YARS1: variants seen among roughly 807,000 people sequenced by gnomAD.
YARS1 encodes tyrosine--tRNA ligase, cytoplasmic.
A neutral mutation model predicts 62.2 loss-of-function variants in YARS1; 36 were observed. That is an observed-to-expected ratio of 0.58 (90% confidence interval 0.44 to 0.76). YARS1 has a LOEUF of 0.76. Among genes scored for constraint, YARS1 ranks in the 30% least tolerant of loss-of-function variants. The pLI is 0.00. For synonymous variants in YARS1, 234 were observed against 244.9 expected, an observed-to-expected ratio of 0.96 and a Z score of 0.42; for missense variants, 524 against 639.8, an observed-to-expected ratio of 0.82 and a Z score of 1.95.
At position 32,781,145 on chromosome 1, in the gene YARS1, T is replaced by C. The variant is rs1653042241; in HGVS notation, c.1043A>G (p.Lys348Arg). The C allele has an allele frequency of 1.9e-6, 3 of 1,613,750 alleles. No individual in the cohort carries two copies. The highest frequency in any genetic ancestry group is 1.7e-5 in the Admixed American group (1 of 59,996). Residue 348 changes from lysine (K) to arginine (R), a missense_variant and splice_region_variant, in exon 10 of 13, where the codon AAG (lysine) becomes AGG (arginine). Physicochemically the swap from Lys to Arg is conservative, Grantham distance 26 (BLOSUM62 2). Coordinates refer to ENST00000373477, the MANE Select transcript of YARS1 (RefSeq NM_003680.4). ...CTTGGCAGGGCCTTTGGCCATTGGC[T>C]CTGGGAATGAGAAGAACCCCATGAG... The part of the protein sequence containing the change: ...SAAYPDPSKQ[K>R]PMAKGPAKNS...
intron 1 of YARS1, among the ~76,000 whole-genome samples, chr1:32,813,970 T>C (rs1638641164): frequency 6.6e-6 from 1 of 152,312 alleles, no homozygotes; most frequent in African/African-American, 2.4e-5. Context: ...ATATTAGCAA[T>C]CTTTGGGGCT....
At chr1:32,805,266 A>T (rs1374092535) in intron 4 of YARS1, among the ~76,000 whole-genome samples, 1 of 128,858 alleles carries the variant, frequency 7.8e-6, no homozygotes, top group Non-Finnish European at 1.6e-5. Context: ...GGAGAGGGGG[A>T]GAGGGAGAGA....
chr1:32,810,621 A>G lies in YARS1; in HGVS notation c.350T>C (p.Phe117Ser), dbSNP rs759111584. Residue 117 changes from phenylalanine (F) to serine (S), a missense_variant, in exon 3 of 13, where the codon TTC becomes TCC. Physicochemically the swap from Phe to Ser is radical, Grantham distance 155. Transcript: ENST00000373477. Reference sequence around the variant, plus strand: ...GAGCTGGTAATCAGTGCCTTTGATGAACTTGAGCTTCTCCAAGGGCACACC... The same window carrying G: ...GAGCTGGTAATCAGTGCCTTTGATGGACTTGAGCTTCTCCAAGGGCACACC... Reference protein sequence around the residue: ...SIGVPLEKLKFIKGTDYQLSK... With the variant: ...SIGVPLEKLKSIKGTDYQLSK... 1.2e-6 allele frequency: 2 copies of G among 1,613,400 alleles called. No individual in the cohort carries two copies. The highest frequency in any genetic ancestry group is 1.7e-6 in the Non-Finnish European group (2 of 1,180,026).
intron 4 of YARS1, among the ~76,000 whole-genome samples, chr1:32,805,488 CT>C (rs997774110): frequency 3.9e-5 from 6 of 152,168 alleles, no homozygotes; most frequent in Admixed American, 2.0e-4. Flanking sequence ...ATAAGTGAAA[CT>C]TATGTCTGTT....
In YARS1 at chr1:32,780,240, G is replaced by A. The variant is rs373909518; in HGVS notation, c.1179C>T (p.Asp393=). 1.9e-5 allele frequency: 30 copies of A among 1,613,956 alleles called. No individual in the cohort carries two copies. The highest frequency in any genetic ancestry group is 2.7e-5 in the African/African-American group (2 of 74,890). The stretch of plus-strand genomic sequence containing the variant: ...CAGTCCGTGGTTCAGCTTCCCCCAC[G>A]TCAATCTTCTCTACATACAGGCTGT... ...DADSLYVEKI[D]VGEAEPRTVV... The change falls in exon 11 of 13, where the codon GAC becomes GAT. Residue 393 remains aspartate, a synonymous_variant. Transcript: ENST00000373477.
At chr1:32,781,646 G>A (rs1653061188) in intron 9 of YARS1, 1 of 174,234 alleles carries the variant, frequency 5.7e-6, no homozygotes, top group Non-Finnish European at 1.2e-5. Flanking sequence ...TTAGCATTAC[G>A]CACAAGTGGA....
At chr1:32,780,826 C>T (rs1317293431) in intron 10 of YARS1, 1 of 602,120 alleles carries the variant, frequency 1.7e-6, no homozygotes, top group Non-Finnish European at 3.0e-6. Context: ...CTCTGACTAA[C>T]ATCCGTCCCC....
At chr1:32,796,273 G>A (rs1191830159) in intron 5 of YARS1, among the ~76,000 whole-genome samples, 2 of 152,036 alleles carry the variant, frequency 1.3e-5, no homozygotes, top group East Asian at 3.8e-4. Flanking sequence ...TCCAGCCCAG[G>A]CAACAGTGTG....
At chr1:32,815,125 G>C (rs1003941238) in intron 1 of YARS1, among the ~76,000 whole-genome samples, 1 of 152,140 alleles carries the variant, frequency 6.6e-6, no homozygotes, top group African/African-American at 2.4e-5. Flanking sequence ...GAATTTGGCG[G>C]ATAACTTGAG....
intron 1 of YARS1, among the ~76,000 whole-genome samples, chr1:32,814,626 G>C (rs747725753): frequency 2.6e-5 from 4 of 152,182 alleles, no homozygotes; most frequent in Non-Finnish European, 5.9e-5. Flanking sequence ...CCAACCTCAA[G>C]TGATCTGCCC....
chr1:32,804,502 C>T (rs1333695273), intron 4 of YARS1, among the ~76,000 whole-genome samples: 1 of 151,942 alleles, frequency 6.6e-6, no homozygotes. Context: ...CGGAGGGGCT[C>T]CTCACTTCTC....
chr1:32,793,768 C>A (rs906819365), intron 5 of YARS1, among the ~76,000 whole-genome samples: 1 of 152,144 alleles, frequency 6.6e-6, no homozygotes, highest in African/African-American at 2.4e-5. Flanking sequence ...ACTTTTCAGT[C>A]GAAACTATGG....
intron 12 of YARS1, among the ~76,000 whole-genome samples, chr1:32,777,815 G>A (rs1652917093): frequency 6.6e-6 from 1 of 152,064 alleles, no homozygotes; most frequent in South Asian, 2.1e-4. Flanking sequence ...TTAATCAACA[G>A]CATTTAGTAT....
intron 3 of YARS1, among the ~76,000 whole-genome samples, chr1:32,807,955 G>A (rs1356668657): frequency 6.6e-6 from 1 of 151,894 alleles, no homozygotes; most frequent in African/African-American, 2.4e-5. Flanking sequence ...TGTTGCCCAG[G>A]TTGCAGTATA....
rs776582429 is a variant in YARS1, at chr1:32,810,934, C to G, written c.181G>C (p.Asp61His). 6.2e-7 allele frequency: 1 copy of G among 1,614,178 alleles called. No individual in the cohort carries two copies. Among genetic ancestry groups the G allele is most frequent in the Non-Finnish European group, 8.5e-7 (1 of 1,180,038 alleles). Residue 61 changes from aspartate (D) to histidine (H), a missense_variant, in exon 2 of 13, where the codon GAC becomes CAC. By Grantham distance (81) the Asp-to-His change is moderately conservative (BLOSUM62 -1). Coordinates refer to ENST00000373477, the MANE Select transcript of YARS1 (RefSeq NM_003680.4). ...AYFVPMSKIA[D>H]FLKAGCEVTI... ...ACCTCACACCCTGCCTTTAAGAAGTCTGCAATCTTTGACATGGGCACAAAG... is the reference window on the plus strand; with the variant it reads ...ACCTCACACCCTGCCTTTAAGAAGTGTGCAATCTTTGACATGGGCACAAAG...
intron 3 of YARS1, among the ~76,000 whole-genome samples, chr1:32,809,094 CT>C (rs771462379): frequency 8.8e-5 from 13 of 148,352 alleles, no homozygotes; most frequent in African/African-American, 7.4e-5. Flanking sequence ...TCTTTCTTTT[CT>C]TTTTTTTTTG....
intron 4 of YARS1, chr1:32,798,196 T>C (rs1425539951): frequency 7.0e-6 from 2 of 286,274 alleles, no homozygotes; most frequent in Non-Finnish European, 1.4e-5. Context: ...ATTTCTTCTA[T>C]ATGGGTCTGA....
chr1:32,787,832 T>C (rs1395880580), intron 6 of YARS1, among the ~76,000 whole-genome samples: 1 of 152,170 alleles, frequency 6.6e-6, no homozygotes, highest in East Asian at 1.9e-4. Flanking sequence ...TATTTTAACA[T>C]TTGGCTGGGC....
intron 4 of YARS1, among the ~76,000 whole-genome samples, chr1:32,805,228 AGGGGGAGAGGGGGAGAG>A (rs1420687390): frequency 1.0e-3 from 23 of 23,018 alleles, no homozygotes; most frequent in East Asian, 5.3e-3. Flanking sequence ...GAAAGGGGAG[AGGGGGAGAGGGGGAGAG>A]GGGGAGAGGG....
Sources: gnomAD v4.1 joint callset for allele counts (sites outside exome capture counted in the v4.1 genomes callset) on GRCh38, gnomAD v4.1.1 for gene constraint, MANE v1.5 for transcripts, NCBI Gene and HGNC (gene_info 2026-07-23, HGNC 2026-07-21) for gene names.